MIB1: variants seen among roughly 807,000 people sequenced by gnomAD.
MIB1 encodes the protein MIB E3 ubiquitin protein ligase 1.
Under a neutral mutation model 124.5 loss-of-function variants are expected in MIB1, and 278 were observed. That is an observed-to-expected ratio of 2.23 (90% CI 2.02 to 2.47). The LOEUF is 2.47. MIB1 is among the 30% of genes most tolerant of loss of function. The pLI is 0.00. For missense variants in MIB1, 957 were observed against 1,254.4 expected (o/e 0.76, Z 3.58); for synonymous variants, 446 against 429.4 (o/e 1.04, Z -0.48).
chr18:21,808,387 G>A, intron 10 of MIB1, among the ~76,000 whole-genome samples: 1 of 152,172 alleles, frequency 6.6e-6, no homozygotes, highest in East Asian at 1.9e-4. Flanking sequence ...CTCCTTTAGT[G>A]TGACAGTAAA....
At chr18:21,727,469 G>T (rs1443455165) in intron 1 of MIB1, among the ~76,000 whole-genome samples, 1 of 152,166 alleles carries the variant, frequency 6.6e-6, no homozygotes, top group East Asian at 1.9e-4. Context: ...CTGGCTGGGT[G>T]TGGTGGCTTG....
At chr18:21,746,413 T>C (rs1187408145) in intron 1 of MIB1, among the ~76,000 whole-genome samples, 1 of 152,142 alleles carries the variant, frequency 6.6e-6, no homozygotes, top group African/African-American at 2.4e-5. Context: ...GAGAGGAGCA[T>C]TTAGTATCTG....
chr18:21,867,932 A>T lies in MIB1; in HGVS notation c.*3266A>T, dbSNP rs992181891. ...ACAGTGGGGTTACAACAGATAGGAA[A>T]GGAAAGTCAGCATTTGAGTGTAGAG... On this transcript the variant is annotated 3_prime_UTR_variant, in exon 21 of 21. Coordinates refer to ENST00000261537, the MANE Select transcript of MIB1 (RefSeq NM_020774.4). 1.3e-5 allele frequency: 2 copies of T among 152,298 alleles called. No individual in the cohort carries two copies. The highest frequency in any genetic ancestry group is 3.4e-3 in the Middle Eastern group (1 of 294). The allele number at this position is 152,298 out of a possible 1,614,324, so 9.4% of individuals were successfully genotyped here.
intron 10 of MIB1, among the ~76,000 whole-genome samples, chr18:21,815,284 TCAGCCTCC>T (rs1181401482): frequency 1.3e-5 from 2 of 151,744 alleles, no homozygotes; most frequent in African/African-American, 4.8e-5. Context: ...TCCTCCTGTG[TCAGCCTCC>T]CAAGTAGCTG....
In MIB1 at chr18:21,773,722, G is replaced by A; in HGVS notation, c.630G>A (p.Glu210=). ...AGAACCTTTACAGAGTTGGCTTTGA[G>A]GGCATGGTAAGTAGTGAAGAGCCAT... ...GAKNLYRVGF[E]GMSDLKCVQD... is the part of the protein sequence containing the mutation. Residue 210 remains glutamate, a synonymous_variant, in exon 4 of 21, where the codon GAG becomes GAA. Transcript: ENST00000261537. The A allele has an allele frequency of 6.3e-7, 1 of 1,594,212 alleles. No homozygotes were observed. The highest frequency in any genetic ancestry group is 1.4e-5 in the African/African-American group (1 of 73,784).
At position 21,782,654 on chromosome 18, in the gene MIB1, T is replaced by C. The variant is rs144171568; in HGVS notation, c.908+2969T>C. Among the ~76,000 whole-genome samples, 110 of 152,306 alleles carry C rather than the reference T, an allele frequency of 7.2e-4. 1 individual carries two copies. Among genetic ancestry groups the C allele is most frequent in the African/African-American group, 2.6e-3 (109 of 41,574 alleles). On this transcript the variant is annotated intron_variant, in intron 6 of 20. Transcript: ENST00000261537. ...GATACTTTATACCATTTCAACTTTT[T>C]TGAATTTAGTGAGACTTGTTTTGTG... is the stretch of plus-strand genomic sequence containing the variant.
At chr18:21,760,410 T>G (rs1404588465) in intron 1 of MIB1, among the ~76,000 whole-genome samples, 1 of 152,236 alleles carries the variant, frequency 6.6e-6, no homozygotes, top group Non-Finnish European at 1.5e-5. Flanking sequence ...CATTAAAAAT[T>G]CTGTAGTGCT....
rs548425800 is a variant in MIB1, at chr18:21,820,067, T to C, written c.1829+421T>C. Among the ~76,000 whole-genome samples, 258 of 152,334 alleles carry C rather than the reference T, an allele frequency of 1.7e-3. 2 individuals carry two copies. In the Middle Eastern group the frequency reaches 0.034, roughly 20 times the overall value. On this transcript the variant is annotated intron_variant, in intron 12 of 20. Transcript: ENST00000261537. ...TCCTTATTAATAATGTAATTAGTTA[T>C]ATAAACTTCTAGTATAGCTATCCCC...
At chr18:21,804,625 ACTC>A (rs1188465587) in intron 10 of MIB1, among the ~76,000 whole-genome samples, 1 of 152,154 alleles carries the variant, frequency 6.6e-6, no homozygotes, top group African/African-American at 2.4e-5. Flanking sequence ...TTACTTAACT[ACTC>A]ATTACTAAAA....
chr18:21,705,047 C>G (rs993969849), exon 1 of MIB1: 1 of 167,988 alleles, frequency 6.0e-6, no homozygotes, highest in African/African-American at 2.4e-5. Flanking sequence ...GTTAAGGCCC[C>G]GCACCTGCAG....
chr18:21,790,005 T>C (rs76036563), intron 6 of MIB1, among the ~76,000 whole-genome samples: 1 of 152,210 alleles, frequency 6.6e-6, no homozygotes, highest in South Asian at 2.1e-4. Context: ...TAAGTAGTCA[T>C]TAAAACGATT....
chr18:21,812,175 C>G (rs2041781281), intron 10 of MIB1, among the ~76,000 whole-genome samples: 1 of 152,038 alleles, frequency 6.6e-6, no homozygotes, highest in Admixed American at 6.6e-5. Flanking sequence ...AGTCTCCAGT[C>G]CAAGAGGGTG....
intron 1 of MIB1, among the ~76,000 whole-genome samples, chr18:21,746,026 G>C (rs1321350275): frequency 6.6e-6 from 1 of 151,960 alleles, no homozygotes; most frequent in Non-Finnish European, 1.5e-5. Context: ...TTTTGTGTGT[G>C]TCATATTTTT....
chr18:21,725,453 G>A (rs1354932322), intron 1 of MIB1, among the ~76,000 whole-genome samples: 1 of 152,132 alleles, frequency 6.6e-6, no homozygotes, highest in Admixed American at 6.6e-5. Flanking sequence ...CTCCCCATCT[G>A]TACTGTTTAG....
At chr18:21,823,467 T>C (rs1319038973) in intron 12 of MIB1, among the ~76,000 whole-genome samples, 1 of 151,946 alleles carries the variant, frequency 6.6e-6, no homozygotes, top group African/African-American at 2.4e-5. Context: ...TTCCAGAACC[T>C]GATGAAGTGT....
At chr18:21,751,520 C>T (rs1300317743) in intron 1 of MIB1, among the ~76,000 whole-genome samples, 3 of 152,074 alleles carry the variant, frequency 2.0e-5, no homozygotes. Flanking sequence ...CCTCTGCCTC[C>T]CAAAGTGCTG....
intron 12 of MIB1, among the ~76,000 whole-genome samples, chr18:21,836,970 G>A (rs2042038848): frequency 6.6e-6 from 1 of 152,098 alleles, no homozygotes; most frequent in Non-Finnish European, 1.5e-5. Flanking sequence ...ACTAGTGACT[G>A]AAAACAAAAG....
chr18:21,714,934 G>A (rs1182410766), intron 1 of MIB1, among the ~76,000 whole-genome samples: 2 of 152,130 alleles, frequency 1.3e-5, no homozygotes, highest in African/African-American at 2.4e-5. Flanking sequence ...GCAGTAAATT[G>A]GGGGGGATCA....
At position 21,865,832 on chromosome 18, in the gene MIB1, A is replaced by G. The variant is rs2042316888; in HGVS notation, c.*1166A>G. On this transcript the variant is annotated 3_prime_UTR_variant, in exon 21 of 21. Coordinates refer to ENST00000261537, the MANE Select transcript of MIB1 (RefSeq NM_020774.4). Reference sequence around the variant, plus strand: ...TGCCAACAATATCCAAGACATGGTCAATAACCTAATTATAAATACTTTAGA... The same window carrying G: ...TGCCAACAATATCCAAGACATGGTCGATAACCTAATTATAAATACTTTAGA... 1 of 152,600 alleles carries G rather than the reference A, an allele frequency of 6.6e-6. No homozygotes were observed. The highest frequency in any genetic ancestry group is 2.4e-5 in the African/African-American group (1 of 41,446). 9.5% of individuals were successfully genotyped at this position (152,600 alleles called of 1,614,324 possible). A position where few individuals can be genotyped will look rare whatever the true frequency, so the allele number is the denominator to read the frequency against.
Sources: gnomAD v4.1 joint callset for allele counts (sites outside exome capture counted in the v4.1 genomes callset) on GRCh38, gnomAD v4.1.1 for gene constraint, MANE v1.5 for transcripts, NCBI Gene and HGNC (gene_info 2026-07-23, HGNC 2026-07-21) for gene names.